Variants in COMMD1 observed in about 807,000 individuals in gnomAD.
COMMD1 encodes the protein COMM domain-containing protein 1.
In COMMD1, 10 loss-of-function variants were observed where a neutral mutation model predicts 17.2. The observed-to-expected ratio is 0.58, with a 90% CI of 0.36 to 0.99. COMMD1 has a LOEUF of 0.99. COMMD1 is among the 50% of genes least tolerant of loss of function. The pLI is 0.01. For missense variants in COMMD1, 270 were observed against 231.8 expected (o/e 1.17, Z -1.07); for synonymous variants, 97 against 91.6 (o/e 1.06, Z -0.34).
At chr2:61,951,017 T>C (rs11681587) in intron 1 of COMMD1, among the ~76,000 whole-genome samples, 138,385 of 152,250 alleles carry the variant, frequency 0.91, 63,056 homozygotes, top group East Asian at 1. Context: ...GGGCTTCAAT[T>C]GGAAGGTGTA....
At chr2:62,089,280 CT>C (rs57279954) in intron 2 of COMMD1, among the ~76,000 whole-genome samples, 550 of 135,886 alleles carry the variant, frequency 4.0e-3, no homozygotes, top group East Asian at 0.018. Context: ...TTCTTTCTTT[CT>C]TTTTTTTTTT....
At chr2:61,988,534 G>T (rs1265786167) in intron 1 of COMMD1, among the ~76,000 whole-genome samples, 1 of 152,100 alleles carries the variant, frequency 6.6e-6, no homozygotes, top group African/African-American at 2.4e-5. Context: ...TGGTGTCCAA[G>T]TTGCATAACA....
chr2:62,015,818 T>C (rs1182715260), intron 2 of COMMD1, among the ~76,000 whole-genome samples: 1 of 152,018 alleles, frequency 6.6e-6, no homozygotes, highest in African/African-American at 2.4e-5. Context: ...TTTTATGTGC[T>C]TATTGGGTTT....
intron 1 of COMMD1, among the ~76,000 whole-genome samples, chr2:61,919,367 G>A (rs1238604272): frequency 6.6e-6 from 1 of 152,092 alleles, no homozygotes; most frequent in East Asian, 1.9e-4. Flanking sequence ...CCAGACTGGA[G>A]TGCAGTGGTG....
chr2:61,946,761 T>C (rs1670917798), intron 1 of COMMD1, among the ~76,000 whole-genome samples: 1 of 152,200 alleles, frequency 6.6e-6, no homozygotes, highest in Non-Finnish European at 1.5e-5. Context: ...TTTTTTTCTC[T>C]TGTTTTTTTC....
Position 62,000,819 on chromosome 2 carries a change from G to A in COMMD1, c.299G>A (p.Ser100Asn), listed in dbSNP as rs774317956. ...QAAVISKFWKSHKTKIRESLM... is the reference protein window; with the variant it reads ...QAAVISKFWKNHKTKIRESLM... ...GCTGTCATTTCCAAATTCTGGAAGA[G>A]CCACAAGACAAAAATCCGTGAGAGC... is the stretch of plus-strand genomic sequence containing the variant. The change falls in exon 2 of 3, where the codon AGC (serine) becomes AAC (asparagine). Residue 100 changes from serine (S) to asparagine (N), a missense_variant. Physicochemically the swap from Ser to Asn is conservative, Grantham distance 46 (BLOSUM62 1). Transcript: ENST00000311832. The A allele has an allele frequency of 5.6e-6, 9 of 1,614,140 alleles. No individual in the cohort carries two copies. In the South Asian group the frequency reaches 9.9e-5, roughly 18 times the overall value.
chr2:61,976,223 A>G (rs778485750), intron 1 of COMMD1, among the ~76,000 whole-genome samples: 1 of 151,870 alleles, frequency 6.6e-6, no homozygotes, highest in African/African-American at 2.4e-5. Flanking sequence ...AAAAAAATAC[A>G]TACTGTCAGA....
intron 2 of COMMD1, among the ~76,000 whole-genome samples, chr2:62,057,346 C>G (rs1670735475): frequency 6.6e-6 from 1 of 151,876 alleles, no homozygotes; most frequent in East Asian, 1.9e-4. Flanking sequence ...GTGCATATAT[C>G]TGTGTGTGTG....
chr2:61,933,765 T>TTTTTTTC (rs1670530816), intron 1 of COMMD1, among the ~76,000 whole-genome samples: 1 of 133,374 alleles, frequency 7.5e-6, no homozygotes. Flanking sequence ...TTTGTTTTTC[T>TTTTTTTC]TTTTTTCTTT....
intron 1 of COMMD1, among the ~76,000 whole-genome samples, chr2:61,967,077 G>C (rs563020095): frequency 2.0e-5 from 3 of 151,892 alleles, no homozygotes; most frequent in Non-Finnish European, 1.5e-5. Flanking sequence ...AATGTAACCA[G>C]GATCTTTATT....
intron 2 of COMMD1, among the ~76,000 whole-genome samples, chr2:62,095,714 A>G (rs1450540235): frequency 6.7e-6 from 1 of 148,588 alleles, no homozygotes; most frequent in Admixed American, 6.8e-5. Flanking sequence ...ATAATAATGG[A>G]TTCAGCCTCA....
chr2:62,031,039 A>G (rs1669896483), intron 2 of COMMD1, among the ~76,000 whole-genome samples: 1 of 152,196 alleles, frequency 6.6e-6, no homozygotes, highest in Non-Finnish European at 1.5e-5. Flanking sequence ...CAAATGACTA[A>G]TAAGAGAGAG....
At chr2:62,078,700 C>A (rs942971499) in intron 2 of COMMD1, among the ~76,000 whole-genome samples, 7 of 149,418 alleles carry the variant, frequency 4.7e-5, no homozygotes, top group South Asian at 2.1e-4. Context: ...AACTCTATCT[C>A]TATTAAAAAT....
intron 1 of COMMD1, among the ~76,000 whole-genome samples, chr2:61,899,648 G>A (rs952183215): frequency 1.3e-5 from 2 of 152,032 alleles, no homozygotes; most frequent in African/African-American, 2.4e-5. Context: ...AATAATGATA[G>A]CAATGTTTTT....
chr2:62,037,268 A>G (rs908980545), intron 2 of COMMD1, among the ~76,000 whole-genome samples: 3 of 152,220 alleles, frequency 2.0e-5, no homozygotes. Context: ...TATTTGAAGG[A>G]AGGTATCTAT....
chr2:62,035,506 C>A (rs1442098839), intron 2 of COMMD1, among the ~76,000 whole-genome samples: 5 of 151,148 alleles, frequency 3.3e-5, no homozygotes, highest in African/African-American at 1.2e-4. Flanking sequence ...TTTGGGAGAC[C>A]TAGGCAAGTG....
chr2:62,024,520 T>C (rs1214507692), intron 2 of COMMD1, among the ~76,000 whole-genome samples: 1 of 152,214 alleles, frequency 6.6e-6, no homozygotes, highest in East Asian at 1.9e-4. Context: ...GAATTTTGTA[T>C]TGAATCTTTC....
intron 1 of COMMD1, among the ~76,000 whole-genome samples, chr2:61,959,237 G>A (rs1275266900): frequency 2.6e-5 from 4 of 152,028 alleles, no homozygotes; most frequent in African/African-American, 7.2e-5. Flanking sequence ...ATCTTGATAT[G>A]TTATATAAAA....
intron 1 of COMMD1, among the ~76,000 whole-genome samples, chr2:61,971,453 G>T (rs1419573305): frequency 1.3e-5 from 2 of 152,190 alleles, no homozygotes; most frequent in Non-Finnish European, 2.9e-5. Flanking sequence ...AATAAGGAAA[G>T]GAATGTGAGC....
Sources: gnomAD v4.1 joint callset for allele counts (sites outside exome capture counted in the v4.1 genomes callset) on GRCh38, gnomAD v4.1.1 for gene constraint, MANE v1.5 for transcripts, NCBI Gene and HGNC (gene_info 2026-07-23, HGNC 2026-07-21) for gene names.